ZNF362: variants seen among roughly 807,000 people sequenced by gnomAD.
ZNF362 encodes zinc finger protein 362.
Under a neutral mutation model 42.9 loss-of-function variants are expected in ZNF362, and 11 were observed. That is an observed-to-expected ratio of 0.26 (90% confidence interval 0.16 to 0.42). The LOEUF (loss-of-function observed/expected upper bound fraction) is 0.42, where lower values mean the gene tolerates loss of function less well. Among genes scored for constraint, ZNF362 ranks in the 20% least tolerant of loss-of-function variants. ZNF362 has a pLI of 1.00. For synonymous variants in ZNF362, 255 were observed against 257.3 expected (o/e 0.99, Z 0.09); for missense variants, 362 against 576.2 (o/e 0.63, Z 3.81).
Position 33,289,432 on chromosome 1 carries a change from G to A in ZNF362, c.909-5505G>A, listed in dbSNP as rs149992358. 7.7e-4 allele frequency among the ~76,000 whole-genome samples: 117 copies of A among 152,210 alleles called. 1 individual carries two copies. In the East Asian group the frequency reaches 0.019, roughly 25 times the overall value. On this transcript the variant is annotated intron_variant, in intron 6 of 8. Transcript: ENST00000539719. Reference sequence around the variant, plus strand: ...AGAGCCCTGCAGCTTCAGCCGTGCCGAGGCCTGGCGGAGAGAGGCTGAGGC... The same window carrying A: ...AGAGCCCTGCAGCTTCAGCCGTGCCAAGGCCTGGCGGAGAGAGGCTGAGGC...
the ZNF362 span, chr1:33,147,238 C>T: frequency 1.2e-6 from 2 of 1,613,964 alleles, no homozygotes; most frequent in Non-Finnish European, 1.7e-6. This position sits in a 1 kb window ranked among gnomAD's most constrained non-coding sequence, Gnocchi z 8.1. Context: ...GTGGCTCTGG[C>T]CAGGGCTGAA....
At chr1:33,228,658 G>T in the ZNF362 span, among the ~76,000 whole-genome samples, 2 of 152,122 alleles carry the variant, frequency 1.3e-5, no homozygotes, top group African/African-American at 4.8e-5. Flanking sequence ...TCTATTCAAA[G>T]ATTCAGAATC....
the ZNF362 span, among the ~76,000 whole-genome samples, chr1:33,150,423 C>G: frequency 6.6e-6 from 1 of 152,258 alleles, no homozygotes; most frequent in Admixed American, 6.5e-5. Flanking sequence ...ACCCACTGGA[C>G]CAGTGACCTA....
At chr1:33,176,526 C>G in the ZNF362 span, 1 of 652,830 alleles carries the variant, frequency 1.5e-6, no homozygotes, top group Non-Finnish European at 2.9e-6. Flanking sequence ...ATCGGATCCC[C>G]TCTCTGGGGG....
chr1:33,149,408 C>T, the ZNF362 span, among the ~76,000 whole-genome samples: 6 of 151,802 alleles, frequency 4.0e-5, no homozygotes, highest in African/African-American at 1.5e-4. Flanking sequence ...CCCACCTCGG[C>T]CTCCCAAAGT....
the ZNF362 span, among the ~76,000 whole-genome samples, chr1:33,170,493 C>T: frequency 1.3e-5 from 2 of 152,096 alleles, no homozygotes; most frequent in Non-Finnish European, 2.9e-5. Flanking sequence ...TAGGACACGG[C>T]CACACACCCC....
intron 6 of ZNF362, among the ~76,000 whole-genome samples, chr1:33,283,203 C>T (rs998079119): frequency 2.6e-5 from 4 of 152,166 alleles, no homozygotes; most frequent in African/African-American, 7.2e-5. Flanking sequence ...TCTCGGATCA[C>T]TGCAACCTCT....
chr1:33,180,987 C>A, the ZNF362 span: 2 of 1,410,646 alleles, frequency 1.4e-6, no homozygotes, highest in African/African-American at 1.4e-5. Flanking sequence ...ACCTCCAGCC[C>A]GGCCCCGCCC....
the ZNF362 span, among the ~76,000 whole-genome samples, chr1:33,186,970 T>C: frequency 1.3e-5 from 2 of 151,202 alleles, no homozygotes; most frequent in Non-Finnish European, 2.9e-5. Context: ...GTAACACTAA[T>C]AGGGAAGTGG....
At chr1:33,165,183 C>T in the ZNF362 span, 1 of 315,964 alleles carries the variant, frequency 3.2e-6, no homozygotes, top group South Asian at 5.3e-5. The surrounding 1 kb of genome is among the most constrained non-coding windows in gnomAD (Gnocchi z 4.0). Context: ...TCCCGGGACC[C>T]GCCTCAACTT....
At chr1:33,194,311 G>A in the ZNF362 span, among the ~76,000 whole-genome samples, 2 of 152,008 alleles carry the variant, frequency 1.3e-5, no homozygotes, top group African/African-American at 4.8e-5. Flanking sequence ...TGAGGCTGGT[G>A]GATTGCTTAA....
chr1:33,289,336 A>T (rs1295426048), intron 6 of ZNF362, among the ~76,000 whole-genome samples: 1 of 152,052 alleles, frequency 6.6e-6, no homozygotes, highest in East Asian at 1.9e-4. Context: ...AAGCTGGGGA[A>T]GGGGATATGG....
At chr1:33,297,513 CTTTTTT>C (rs55931056) in intron 8 of ZNF362, among the ~76,000 whole-genome samples, 1 of 121,066 alleles carries the variant, frequency 8.3e-6, no homozygotes, top group Admixed American at 8.9e-5. Flanking sequence ...CATGATTCCT[CTTTTTT>C]TTTTTTTTTT....
chr1:33,183,801 A>G, the ZNF362 span, among the ~76,000 whole-genome samples: 1 of 152,184 alleles, frequency 6.6e-6, no homozygotes, highest in Non-Finnish European at 1.5e-5. Flanking sequence ...TGCAGCAAAT[A>G]CAGAAGGGAG....
At chr1:33,159,782 G>T in the ZNF362 span, 1 of 1,613,658 alleles carries the variant, frequency 6.2e-7, no homozygotes, top group Non-Finnish European at 8.5e-7. The surrounding 1 kb of genome is among the most constrained non-coding windows in gnomAD (Gnocchi z 4.2). Context: ...TGGACCTTGC[G>T]CAGCTGCTGG....
chr1:33,214,830 C>G, the ZNF362 span, among the ~76,000 whole-genome samples: 1 of 152,140 alleles, frequency 6.6e-6, no homozygotes, highest in Non-Finnish European at 1.5e-5. Context: ...GGCTTTCACT[C>G]AAAAGACAGG....
chr1:33,250,833 A>T, the ZNF362 span, among the ~76,000 whole-genome samples: 3 of 147,190 alleles, frequency 2.0e-5, no homozygotes, highest in Non-Finnish European at 4.5e-5. Flanking sequence ...AGAAGAAAAG[A>T]AGAAGAAAGA....
Position 33,289,720 on chromosome 1 carries a change from A to G in ZNF362, c.909-5217A>G, listed in dbSNP as rs1646061835. On this transcript the variant is annotated intron_variant, in intron 6 of 8. Coordinates refer to ENST00000539719, the MANE Select transcript of ZNF362 (RefSeq NM_152493.3). ...TCCTTCATTCAGTCTGTGTCTATTT[A>G]TGGAATCCCCTCTGTGCTGAGCCCA... Among the ~76,000 whole-genome samples, 4 of 152,318 alleles carry G rather than the reference A, an allele frequency of 2.6e-5. 1 individual carries two copies. In the South Asian group the frequency reaches 6.2e-4, roughly 24 times the overall value.
chr1:33,267,971 A>G (rs1398439555), intron 1 of ZNF362, among the ~76,000 whole-genome samples: 3 of 152,234 alleles, frequency 2.0e-5, no homozygotes, highest in African/African-American at 7.2e-5. Flanking sequence ...ACTCCCACCA[A>G]TAATACATGA....
Sources: gnomAD v4.1 joint callset for allele counts (sites outside exome capture counted in the v4.1 genomes callset) on GRCh38, gnomAD v4.1.1 for gene constraint, Gnocchi (gnomAD v3.1) non-coding constraint, MANE v1.5 for transcripts, NCBI Gene and HGNC (gene_info 2026-07-23, HGNC 2026-07-21) for gene names.